COL11A1: variants seen among roughly 807,000 people sequenced by gnomAD.
COL11A1 encodes the protein collagen alpha-1(XI) chain.
COL11A1 carries 74 observed loss-of-function variants against 265.2 expected under a neutral mutation model. The observed-to-expected ratio is 0.28, with a 90% CI of 0.23 to 0.34. The LOEUF (loss-of-function observed/expected upper bound fraction) is 0.34, where lower values mean the gene tolerates loss of function less well. Ranked by LOEUF, COL11A1 falls within the 10% of genes least tolerant of loss-of-function variation. COL11A1 has a pLI of 1.00. For synonymous variants in COL11A1, 816 were observed against 727.6 expected, an observed-to-expected ratio of 1.12 and a Z score of -1.96; for missense variants, 2,165 against 2,263.6, an observed-to-expected ratio of 0.96 and a Z score of 0.88.
chr1:102,972,144 C>T (rs1570909604), intron 36 of COL11A1, among the ~76,000 whole-genome samples: 1 of 152,226 alleles, frequency 6.6e-6, no homozygotes, highest in South Asian at 2.1e-4. Flanking sequence ...TGGCAATAAA[C>T]TTGCTTTCAA....
rs771104190 is a variant in COL11A1, at chr1:102,936,157, ATG to A, written c.3439-1046_3439-1045del. Among the ~76,000 whole-genome samples the A allele has an allele frequency of 2.6e-5, 4 of 151,782 alleles. No individual in the cohort carries two copies. In the East Asian group the frequency reaches 5.8e-4, roughly 22 times the overall value. ...ATATTATTAAATATTGACCTTGAAT[ATG>A]TGTCTTTTCATATTCATTTGACAAA... On this transcript the variant is annotated intron_variant, in intron 44 of 66. Transcript: ENST00000370096.
At chr1:102,944,103 G>T (rs1478665771) in intron 42 of COL11A1, among the ~76,000 whole-genome samples, 1 of 152,094 alleles carries the variant, frequency 6.6e-6, no homozygotes, top group African/African-American at 2.4e-5. Flanking sequence ...GGTAGACCAA[G>T]GGCTTGTCTT....
At chr1:102,968,212 C>T (rs1661630524) in intron 37 of COL11A1, among the ~76,000 whole-genome samples, 1 of 152,154 alleles carries the variant, frequency 6.6e-6, no homozygotes, top group African/African-American at 2.4e-5. Context: ...TTATGTTTTT[C>T]AAAGTTGCTG....
chr1:102,958,050 T>C (rs1232673619), intron 41 of COL11A1, among the ~76,000 whole-genome samples: 4 of 152,156 alleles, frequency 2.6e-5, no homozygotes, highest in African/African-American at 9.6e-5. Context: ...CTCATCACTC[T>C]GTTTCTGTGA....
intron 41 of COL11A1, among the ~76,000 whole-genome samples, chr1:102,957,216 ATATACT>A (rs1044057517): frequency 6.6e-6 from 1 of 152,080 alleles, no homozygotes; most frequent in South Asian, 2.1e-4. Context: ...TAGATGCTAA[ATATACT>A]TATAAATGAA....
chr1:103,019,124 C>T (rs940937241), intron 9 of COL11A1, among the ~76,000 whole-genome samples: 3 of 152,106 alleles, frequency 2.0e-5, no homozygotes, highest in Non-Finnish European at 4.4e-5. Flanking sequence ...GGAGAATATG[C>T]TAAGTGCTCC....
chr1:102,915,052 G>A (rs779942762), intron 50 of COL11A1, among the ~76,000 whole-genome samples: 8 of 152,078 alleles, frequency 5.3e-5, no homozygotes, highest in Admixed American at 2.0e-4. Context: ...CTACAGGCAC[G>A]CGCCACCAGG....
At position 103,108,485 on chromosome 1, in the gene COL11A1, A is replaced by C; in HGVS notation, c.-307T>G. On this transcript the variant is annotated 5_prime_UTR_variant, in exon 1 of 67. Coordinates refer to ENST00000370096, the MANE Select transcript of COL11A1 (RefSeq NM_001854.4). Reference sequence around the variant, plus strand: ...ATGAGGGGCTTCCACCAACAAGCTGAGAGTACTGTGTGCCCCTAAAGGCTT... The same window carrying C: ...ATGAGGGGCTTCCACCAACAAGCTGCGAGTACTGTGTGCCCCTAAAGGCTT... 1.7e-6 allele frequency: 1 copy of C among 594,504 alleles called. No individual in the cohort carries two copies. The highest frequency in any genetic ancestry group is 3.0e-6 in the Non-Finnish European group (1 of 334,820). 36.8% of individuals were successfully genotyped at this position (594,504 alleles called of 1,614,324 possible). A position where few individuals can be genotyped will look rare whatever the true frequency, so the allele number is the denominator to read the frequency against.
intron 1 of COL11A1, among the ~76,000 whole-genome samples, chr1:103,084,295 G>C (rs1428780311): frequency 6.6e-6 from 1 of 151,952 alleles, no homozygotes; most frequent in African/African-American, 2.4e-5. Context: ...TCTGTCTCTA[G>C]TTACTCATTC....
intron 9 of COL11A1, among the ~76,000 whole-genome samples, chr1:103,021,244 AG>A (rs1367895078): frequency 6.6e-6 from 1 of 151,734 alleles, no homozygotes; most frequent in Non-Finnish European, 1.5e-5. Flanking sequence ...GTAGATGAAA[AG>A]GAAGTAAAAA....
At chr1:103,005,961 T>A in intron 17 of COL11A1, 70 bp from the exon 18 acceptor site, 1 of 1,612,698 alleles carries the variant, frequency 6.2e-7, no homozygotes, top group Non-Finnish European at 8.5e-7. Context: ...GTACTGCAAT[T>A]TAAATGCGAA....
At chr1:103,063,225 A>T (rs1341653883) in intron 4 of COL11A1, among the ~76,000 whole-genome samples, 1 of 152,086 alleles carries the variant, frequency 6.6e-6, no homozygotes, top group Non-Finnish European at 1.5e-5. Context: ...TTCCAAATTC[A>T]TAAGAAGAAA....
chr1:102,997,353 A>C (rs560602498), intron 25 of COL11A1, among the ~76,000 whole-genome samples: 8 of 152,126 alleles, frequency 5.3e-5, no homozygotes, highest in Admixed American at 1.3e-4. Flanking sequence ...CTTCAAATAC[A>C]TAATGCATTT....
chr1:102,933,986 G>C (rs953842313), intron 46 of COL11A1, among the ~76,000 whole-genome samples: 8 of 151,488 alleles, frequency 5.3e-5, no homozygotes, highest in Non-Finnish European at 1.2e-4. Flanking sequence ...TGCGCCCACT[G>C]TCTGGCACTC....
rs183474089 is a variant in COL11A1, at chr1:102,987,063, C to T, written c.2502+570G>A. Among the ~76,000 whole-genome samples, 107 of 152,162 alleles carry T rather than the reference C, an allele frequency of 7.0e-4. 1 individual carries two copies. Among genetic ancestry groups the T allele is most frequent in the Non-Finnish European group, 2.8e-4 (19 of 67,992 alleles). On this transcript the variant is annotated intron_variant, in intron 30 of 66. Transcript: ENST00000370096. ...ATTCTTTCATCCTTTAATCACACAT[C>T]CTTTAATTCTCAACATCTAATGTGG...
intron 8 of COL11A1, among the ~76,000 whole-genome samples, chr1:103,022,013 A>ATTTTTTTTTT (rs11381607): frequency 7.2e-6 from 1 of 139,580 alleles, no homozygotes. Context: ...CACCTAGCTA[A>ATTTTTTTTTT]TTTTTTTTTT....
chr1:102,951,427 G>A (rs912831367), intron 41 of COL11A1, among the ~76,000 whole-genome samples: 1 of 152,226 alleles, frequency 6.6e-6, no homozygotes, highest in African/African-American at 2.4e-5. Context: ...GCCGGGAGTG[G>A]TGGCTCACAC....
chr1:102,991,709 G>GT (rs1199728143), intron 28 of COL11A1, among the ~76,000 whole-genome samples: 2 of 152,110 alleles, frequency 1.3e-5, no homozygotes, highest in African/African-American at 2.4e-5. Context: ...CTCAGTGTGA[G>GT]TTTAGCAAGG....
chr1:102,889,328 G>T, intron 59 of COL11A1, 127 bp downstream of exon 59: 2 of 750,826 alleles, frequency 2.7e-6, no homozygotes, highest in Non-Finnish European at 4.7e-6. Flanking sequence ...GAACATTACT[G>T]ACTTAAATTA....
Sources: gnomAD v4.1 joint callset for allele counts (sites outside exome capture counted in the v4.1 genomes callset) on GRCh38, gnomAD v4.1.1 for gene constraint, MANE v1.5 for transcripts, NCBI Gene and HGNC (gene_info 2026-07-23, HGNC 2026-07-21) for gene names.